Variants in HIVEP3 observed in about 807,000 individuals in gnomAD.
HIVEP3 encodes transcription factor HIVEP3.
HIVEP3 carries 49 observed loss-of-function variants against 152.8 expected under a neutral mutation model. The observed-to-expected ratio is 0.32, with a 90% CI of 0.26 to 0.41. HIVEP3 has a LOEUF of 0.41. Among genes scored for constraint, HIVEP3 ranks in the 10% least tolerant of loss-of-function variants. HIVEP3 has a pLI of 1.00. For missense variants in HIVEP3, 2,790 were observed against 3,103.3 expected, an observed-to-expected ratio of 0.90 and a Z score of 2.40; for synonymous variants, 1,269 against 1,289.0, an observed-to-expected ratio of 0.98 and a Z score of 0.33.
chr1:41,614,149 T>C (rs1644934964), intron 3 of HIVEP3, among the ~76,000 whole-genome samples: 1 of 152,194 alleles, frequency 6.6e-6, no homozygotes, highest in African/African-American at 2.4e-5. Context: ...AGCCACAACA[T>C]GGGCAGTCTG....
At chr1:41,920,584 T>G (rs1644934090), upstream of HIVEP3, among the ~76,000 whole-genome samples, 1 of 128,338 alleles carries the variant, frequency 7.8e-6, no homozygotes, top group African/African-American at 2.8e-5. Context: ...ATGGTTTTTT[T>G]TTTTTTGTTT....
intron 1 of HIVEP3, among the ~76,000 whole-genome samples, chr1:41,771,437 C>T (rs1457384422): frequency 1.3e-5 from 2 of 152,178 alleles, no homozygotes; most frequent in African/African-American, 2.4e-5. Context: ...AGCTTCTCTC[C>T]TCCGGAGCTC....
At chr1:41,854,518 T>TA (rs1643700192) in intron 1 of HIVEP3, among the ~76,000 whole-genome samples, 1 of 26,018 alleles carries the variant, frequency 3.8e-5, no homozygotes, top group Non-Finnish European at 7.6e-5. Flanking sequence ...CTTGCTGCAC[T>TA]TTTTTTTTTT....
chr1:41,775,493 GT>G (rs1648639720), intron 1 of HIVEP3, among the ~76,000 whole-genome samples: 1 of 151,768 alleles, frequency 6.6e-6, no homozygotes, highest in Non-Finnish European at 1.5e-5. Context: ...TTGTGTTTTT[GT>G]TTTTTTGTTT....
intron 1 of HIVEP3, among the ~76,000 whole-genome samples, chr1:41,997,774 C>A (rs1408062013): frequency 1.3e-5 from 2 of 152,154 alleles, no homozygotes; most frequent in Admixed American, 6.5e-5. Context: ...CCTCAAAATA[C>A]AAGTTTCCCA....
intron 1 of HIVEP3, among the ~76,000 whole-genome samples, chr1:42,031,300 A>C (rs1447599368): frequency 6.6e-6 from 1 of 152,236 alleles, no homozygotes; most frequent in African/African-American, 2.4e-5. Context: ...GGTGGCAGGC[A>C]AACACCTGTG....
intron 1 of HIVEP3, among the ~76,000 whole-genome samples, chr1:41,901,894 A>C (rs1644630787): frequency 6.6e-6 from 1 of 152,180 alleles, no homozygotes; most frequent in Non-Finnish European, 1.5e-5. Context: ...TTCTTCCCTT[A>C]AGGTCTGTTA....
chr1:41,890,489 G>A (rs1644429091), intron 1 of HIVEP3, among the ~76,000 whole-genome samples: 1 of 152,168 alleles, frequency 6.6e-6, no homozygotes, highest in African/African-American at 2.4e-5. Context: ...AGCTTTTATT[G>A]TAGATTCATG....
At chr1:41,593,822 C>A (rs1644624145) in intron 3 of HIVEP3, among the ~76,000 whole-genome samples, 1 of 152,224 alleles carries the variant, frequency 6.6e-6, no homozygotes, top group South Asian at 2.1e-4. Context: ...AAATAGGTCT[C>A]ACTCGGCTAA....
intron 1 of HIVEP3, among the ~76,000 whole-genome samples, chr1:41,737,720 C>T (rs542553948): frequency 6.6e-6 from 1 of 152,310 alleles, no homozygotes; most frequent in South Asian, 2.1e-4. Context: ...CAGTCTGGCA[C>T]TTTATGTAAG....
chr1:41,935,173 G>A (rs1287978613), intron 1 of HIVEP3, among the ~76,000 whole-genome samples: 2 of 152,074 alleles, frequency 1.3e-5, no homozygotes, highest in Non-Finnish European at 2.9e-5. Flanking sequence ...CAAAGACTAT[G>A]CTTAGCTAAT....
At chr1:41,769,086 A>G (rs4660206) in intron 1 of HIVEP3, among the ~76,000 whole-genome samples, 123,479 of 152,252 alleles carry the variant, frequency 0.81, 54,352 homozygotes, top group Non-Finnish European at 0.98. Flanking sequence ...TCATGGCCCT[A>G]AGCAGCTAAA....
chr1:41,816,382 T>A (rs1359936936), intron 1 of HIVEP3, among the ~76,000 whole-genome samples: 1 of 152,164 alleles, frequency 6.6e-6, no homozygotes, highest in Admixed American at 6.5e-5. Flanking sequence ...TTTCATTAAC[T>A]AACAACTAAA....
chr1:41,947,906 T>A (rs1267441043), intron 1 of HIVEP3, among the ~76,000 whole-genome samples: 1 of 152,220 alleles, frequency 6.6e-6, no homozygotes, highest in Non-Finnish European at 1.5e-5. Context: ...GCATACTCAC[T>A]GCTAAAGAAG....
At chr1:41,868,457 C>A (rs991204911) in intron 1 of HIVEP3, among the ~76,000 whole-genome samples, 33 of 152,144 alleles carry the variant, frequency 2.2e-4, no homozygotes, top group African/African-American at 8.0e-4. Context: ...CCTCCTCCCC[C>A]GCCTTAGTAG....
intron 2 of HIVEP3, among the ~76,000 whole-genome samples, chr1:41,665,114 T>G (rs1358266779): frequency 6.6e-6 from 1 of 152,154 alleles, no homozygotes; most frequent in Non-Finnish European, 1.5e-5. Context: ...CCCACCTCAG[T>G]TCTGGTGCCA....
intron 1 of HIVEP3, among the ~76,000 whole-genome samples, chr1:41,753,078 G>A (rs1415839796): frequency 1.3e-5 from 2 of 152,170 alleles, no homozygotes; most frequent in Non-Finnish European, 2.9e-5. Flanking sequence ...AACTCCTTCT[G>A]TAAAAACTCA....
At chr1:41,525,131 A>G (rs375542444) in intron 5 of HIVEP3, among the ~76,000 whole-genome samples, 1 of 152,180 alleles carries the variant, frequency 6.6e-6, no homozygotes, top group East Asian at 1.9e-4. Context: ...GGGTTGCACT[A>G]TTCTTCCTCC....
At chr1:41,970,003 A>G (rs1382886199) in intron 1 of HIVEP3, among the ~76,000 whole-genome samples, 1 of 152,242 alleles carries the variant, frequency 6.6e-6, no homozygotes, top group Non-Finnish European at 1.5e-5. Context: ...ACCATTTCAC[A>G]TGAGTTAGAA....
Sources: allele counts gnomAD v4.1 joint callset (sites outside exome capture counted in the v4.1 genomes callset), GRCh38; gene constraint gnomAD v4.1.1; transcripts MANE v1.5; gene names NCBI Gene and HGNC (gene_info 2026-07-23, HGNC 2026-07-21).